The following CSMD1 variants were observed in gnomAD, a reference collection of about 807,000 sequenced individuals.
CSMD1 encodes the protein CUB and Sushi multiple domains 1.
CSMD1 carries 213 observed loss-of-function variants against 417.5 expected under a neutral mutation model. That is an observed-to-expected ratio of 0.51 (90% CI 0.46 to 0.57). The LOEUF (loss-of-function observed/expected upper bound fraction) is 0.57, where lower values mean the gene tolerates loss of function less well. CSMD1 is among the 20% of genes least tolerant of loss of function. The pLI is 0.00. For missense variants in CSMD1, 6,923 were observed against 4,529.7 expected, an observed-to-expected ratio of 1.53 and a Z score of -15.17; for synonymous variants, 2,862 against 1,736.8, an observed-to-expected ratio of 1.65 and a Z score of -16.11.
intron 29 of CSMD1, among the ~76,000 whole-genome samples, chr8:3,215,157 T>G (rs1214090209): frequency 2.6e-5 from 4 of 152,190 alleles, no homozygotes. Flanking sequence ...ATGAAACAGT[T>G]TAATTCCTGA....
At chr8:4,199,295 C>G (rs1322524342) in intron 3 of CSMD1, among the ~76,000 whole-genome samples, 3 of 152,156 alleles carry the variant, frequency 2.0e-5, no homozygotes, top group East Asian at 3.8e-4. Flanking sequence ...GATATGCAGG[C>G]AGTGTATGGG....
intron 69 of CSMD1, among the ~76,000 whole-genome samples, chr8:2,939,090 G>C (rs1309763228): frequency 2.6e-5 from 4 of 152,162 alleles, no homozygotes; most frequent in Admixed American, 1.3e-4. Flanking sequence ...TCAGCCTCCT[G>C]GGTAACTGGG....
intron 5 of CSMD1, among the ~76,000 whole-genome samples, chr8:3,901,084 C>G (rs1200540137): frequency 5.3e-5 from 8 of 152,082 alleles, no homozygotes; most frequent in African/African-American, 1.9e-4. Flanking sequence ...TAATTTATAA[C>G]CTGGAGTCCA....
At chr8:4,213,514 T>A (rs1412306061) in intron 3 of CSMD1, among the ~76,000 whole-genome samples, 1 of 152,214 alleles carries the variant, frequency 6.6e-6, no homozygotes, top group African/African-American at 2.4e-5. Flanking sequence ...AATTTGGTGG[T>A]GCGTTAATGT....
At chr8:3,332,864 G>A in intron 23 of CSMD1, among the ~76,000 whole-genome samples, 1 of 152,316 alleles carries the variant, frequency 6.6e-6, no homozygotes, top group African/African-American at 2.4e-5. Flanking sequence ...CACAGTCTGT[G>A]ACTTGAGCTG....
intron 6 of CSMD1, among the ~76,000 whole-genome samples, chr8:3,723,418 A>C (rs963207498): frequency 6.6e-6 from 1 of 152,052 alleles, no homozygotes; most frequent in Admixed American, 6.6e-5. Context: ...CATCATATTC[A>C]CTCAAGGAGG....
chr8:4,363,097 A>G (rs756480126), intron 3 of CSMD1, among the ~76,000 whole-genome samples: 1 of 152,218 alleles, frequency 6.6e-6, no homozygotes, highest in Non-Finnish European at 1.5e-5. Flanking sequence ...GTGGATCATA[A>G]TATCAGAGAC....
chr8:3,834,485 A>G (rs531688585), intron 5 of CSMD1, among the ~76,000 whole-genome samples: 2 of 152,330 alleles, frequency 1.3e-5, no homozygotes, highest in East Asian at 3.9e-4. Context: ...GTTCCAGGTC[A>G]GTACCTCGGT....
chr8:3,599,125 C>CTGTG (rs143211609), intron 8 of CSMD1, among the ~76,000 whole-genome samples: 381 of 144,574 alleles, frequency 2.6e-3, no homozygotes, highest in African/African-American at 5.5e-3. Flanking sequence ...TTGCTTACTG[C>CTGTG]TGTGTGTGTG....
intron 3 of CSMD1, among the ~76,000 whole-genome samples, chr8:4,037,619 C>CTTCTT (rs1388193267): frequency 1.3e-5 from 2 of 151,762 alleles, no homozygotes; most frequent in Admixed American, 6.6e-5. Flanking sequence ...CTTTAGGTCT[C>CTTCTT]TTATATTTAT....
intron 3 of CSMD1, among the ~76,000 whole-genome samples, chr8:4,033,309 G>A (rs1797450734): frequency 6.6e-6 from 1 of 151,932 alleles, no homozygotes; most frequent in Admixed American, 6.6e-5. Context: ...GGGCGTGGTG[G>A]CGGGCACCTG....
intron 11 of CSMD1, among the ~76,000 whole-genome samples, chr8:3,476,756 A>G (rs1016964039): frequency 6.6e-6 from 1 of 151,864 alleles, no homozygotes; most frequent in African/African-American, 2.4e-5. Context: ...CATCTCTACT[A>G]AAAATATGAA....
chr8:4,590,475 A>G (rs115728051), intron 2 of CSMD1, among the ~76,000 whole-genome samples: 1 of 152,212 alleles, frequency 6.6e-6, no homozygotes, highest in African/African-American at 2.4e-5. Context: ...GGTATGTAGA[A>G]TGTAAATAAA....
intron 3 of CSMD1, among the ~76,000 whole-genome samples, chr8:4,329,782 A>C (rs182419262): frequency 2.6e-4 from 40 of 152,030 alleles, no homozygotes; most frequent in Admixed American, 2.6e-3. Flanking sequence ...CTTGGTGATG[A>C]GTGAGCTTTT....
At chr8:3,304,866 T>C (rs1804701130) in intron 25 of CSMD1, among the ~76,000 whole-genome samples, 1 of 152,042 alleles carries the variant, frequency 6.6e-6, no homozygotes, top group Non-Finnish European at 1.5e-5. Context: ...ACAAAGGAAA[T>C]TTTAAGAAAA....
At chr8:4,301,114 T>C (rs1384371419) in intron 3 of CSMD1, among the ~76,000 whole-genome samples, 1 of 152,122 alleles carries the variant, frequency 6.6e-6, no homozygotes, top group Non-Finnish European at 1.5e-5. Context: ...TCTTGCAAAA[T>C]TGCCCGTGTT....
At chr8:3,798,483 T>C (rs762288926) in intron 5 of CSMD1, among the ~76,000 whole-genome samples, 46 of 152,054 alleles carry the variant, frequency 3.0e-4, no homozygotes, top group Non-Finnish European at 4.9e-4. Context: ...ATCTTGTGGA[T>C]ATACTGCAGA....
chr8:3,351,546 G>A (rs1178347291), intron 21 of CSMD1, among the ~76,000 whole-genome samples: 3 of 148,844 alleles, frequency 2.0e-5, no homozygotes, highest in South Asian at 2.1e-4. Flanking sequence ...ACAGTGAGCC[G>A]AGACCACCCA....
chr8:4,752,241 G>A (rs758833638), intron 1 of CSMD1, among the ~76,000 whole-genome samples: 3 of 152,010 alleles, frequency 2.0e-5, no homozygotes, highest in Non-Finnish European at 4.4e-5. Flanking sequence ...TTGTCTCAGT[G>A]TATAACTGTG....
Sources: gnomAD v4.1 joint callset for allele counts (sites outside exome capture counted in the v4.1 genomes callset) on GRCh38, gnomAD v4.1.1 for gene constraint, MANE v1.5 for transcripts, NCBI Gene and HGNC (gene_info 2026-07-23, HGNC 2026-07-21) for gene names.